The following EVC2 variants were observed in gnomAD, a reference collection of about 807,000 sequenced individuals.
EVC2 encodes the protein EvC ciliary complex subunit 2.
Under a neutral mutation model 149.3 loss-of-function variants are expected in EVC2, and 148 were observed. That is an observed-to-expected ratio of 0.99 (90% CI 0.87 to 1.14). EVC2 has a LOEUF of 1.14. EVC2 is among the 50% of genes most tolerant of loss of function. The pLI, the probability that EVC2 is intolerant of heterozygous loss-of-function variation, is 0.00. For synonymous variants in EVC2, 776 were observed against 649.9 expected, an observed-to-expected ratio of 1.19 and a Z score of -2.95; for missense variants, 1,854 against 1,627.3, an observed-to-expected ratio of 1.14 and a Z score of -2.40.
At chr4:5,652,265 CAGTGTGGA>C (rs1280293243) in intron 9 of EVC2, among the ~76,000 whole-genome samples, 1 of 152,148 alleles carries the variant, frequency 6.6e-6, no homozygotes, top group African/African-American at 2.4e-5. Flanking sequence ...ACGCAGGGAC[CAGTGTGGA>C]GGTGAGGAGA....
downstream of EVC2, among the ~76,000 whole-genome samples, chr4:5,558,158 C>G (rs1721872639): frequency 6.6e-6 from 1 of 152,162 alleles, no homozygotes; most frequent in African/African-American, 2.4e-5. Flanking sequence ...AATTTCAAGA[C>G]TTACTATATA....
intron 7 of EVC2, among the ~76,000 whole-genome samples, chr4:5,668,996 T>C (rs1560211167): frequency 6.6e-6 from 1 of 152,192 alleles, no homozygotes; most frequent in Non-Finnish European, 1.5e-5. Flanking sequence ...GGGAGATTTG[T>C]AGACACACAC....
rs543664932 is a variant in EVC2 at position 5,550,927 on chromosome 4, C to T, written c.3420-7715G>A. ...AGAGGATGCAAGCCCCAAGCCTTGG[C>T]AGCCACGTGGTGTTGAGCCTGTGAG... On this transcript the variant is annotated intron_variant and NMD_transcript_variant, in intron 21 of 22. Coordinates refer to the EVC2 transcript ENST00000475313. Among the ~76,000 whole-genome samples, 323 of 152,362 alleles carry T rather than the reference C, an allele frequency of 2.1e-3. 2 individuals carry two copies. The highest frequency in any genetic ancestry group is 3.1e-3 in the Non-Finnish European group (214 of 68,036).
chr4:5,534,376 T>C, the EVC2 span, among the ~76,000 whole-genome samples: 1 of 152,120 alleles, frequency 6.6e-6, no homozygotes, highest in Non-Finnish European at 1.5e-5. Context: ...GATGGGTGGA[T>C]AGATGGATGG....
At chr4:5,662,986 G>A in intron 9 of EVC2, 121 bp downstream of exon 9, 1 of 1,341,634 alleles carries the variant, frequency 7.5e-7, no homozygotes, top group Non-Finnish European at 1.0e-6. Flanking sequence ...GTTGAATTAT[G>A]ACTACAGAGT....
intron 19 of EVC2, among the ~76,000 whole-genome samples, chr4:5,571,978 G>C (rs1438061089): frequency 6.6e-6 from 1 of 152,164 alleles, no homozygotes; most frequent in Non-Finnish European, 1.5e-5. Flanking sequence ...ACTCCTTCCT[G>C]AGTCTCCAGC....
At position 5,648,286 on chromosome 4, in the gene EVC2, G is replaced by A. The variant is rs533035991; in HGVS notation, c.1146-7448C>T. Among the ~76,000 whole-genome samples, 7 of 152,214 alleles carry A rather than the reference G, an allele frequency of 4.6e-5. No individual in the cohort carries two copies. In the South Asian group the frequency reaches 1.0e-3, roughly 23 times the overall value. On this transcript the variant is annotated intron_variant, in intron 9 of 21. Coordinates refer to ENST00000344408, the MANE Select transcript of EVC2 (RefSeq NM_147127.5). Reference sequence around the variant, plus strand: ...ATTTTTACCTGGTCAGACCTGTATCGGAGTTTGACCTCCAGAACTCTAAGA... The same window carrying A: ...ATTTTTACCTGGTCAGACCTGTATCAGAGTTTGACCTCCAGAACTCTAAGA...
At chr4:5,691,786 A>G (rs1267476250) in intron 3 of EVC2, among the ~76,000 whole-genome samples, 1 of 152,194 alleles carries the variant, frequency 6.6e-6, no homozygotes, top group Non-Finnish European at 1.5e-5. Context: ...CCTCATCAAC[A>G]TAAGGAATCC....
At chr4:5,631,233 G>A (rs6822946) in intron 11 of EVC2, among the ~76,000 whole-genome samples, 12,587 of 152,174 alleles carry the variant, frequency 0.083, 1,648 homozygotes, top group African/African-American at 0.27. Flanking sequence ...ATGCATATAT[G>A]TATATTTTAT....
chr4:5,588,366 G>C (rs573397700), intron 16 of EVC2, among the ~76,000 whole-genome samples: 1 of 152,232 alleles, frequency 6.6e-6, no homozygotes, highest in African/African-American at 2.4e-5. Flanking sequence ...ATGCACCTTA[G>C]AAAAATTTTC....
At chr4:5,604,757 C>A (rs1257906595) in intron 16 of EVC2, among the ~76,000 whole-genome samples, 1 of 152,016 alleles carries the variant, frequency 6.6e-6, no homozygotes, top group African/African-American at 2.4e-5. Context: ...CCTAAATACC[C>A]TGACTTGACC....
At position 5,667,450 on chromosome 4, in the gene EVC2, A is replaced by C. The variant is rs188506732; in HGVS notation, c.871-1801T>G. ...CACCCAGACTGCTGAGGGTTTGTCA[A>C]CCCAAATCACAATTCAACTTCTTCC... On this transcript the variant is annotated intron_variant, in intron 7 of 21. Transcript: ENST00000344408. Among the ~76,000 whole-genome samples, 10 of 152,306 alleles carry C rather than the reference A, an allele frequency of 6.6e-5. No individual in the cohort carries two copies. In the East Asian group the frequency reaches 1.7e-3, roughly 26 times the overall value.
Position 5,562,567 on chromosome 4 carries a change from GT to G in EVC2, c.*280del, listed in dbSNP as rs1473272060. 1 of 1,339,072 alleles carries G rather than the reference GT, an allele frequency of 7.5e-7. No homozygotes were observed. The highest frequency in any genetic ancestry group is 1.5e-5 in the African/African-American group (1 of 67,832). 82.9% of individuals were successfully genotyped at this position (1,339,072 alleles called of 1,614,324 possible). On this transcript the variant is annotated 3_prime_UTR_variant, in exon 22 of 22. Coordinates refer to ENST00000344408, the MANE Select transcript of EVC2 (RefSeq NM_147127.5). The surrounding 1 kb of genome is among the most constrained non-coding windows in gnomAD (Gnocchi z 4.3). ...CATAGCTTCTGCAGCAGAGGATGGG[GT>G]GTGGATTGCAGGGTGGGGGTCTCCT...
At chr4:5,538,472 G>T (rs1392558326), downstream of EVC2, among the ~76,000 whole-genome samples, 3 of 152,044 alleles carry the variant, frequency 2.0e-5, no homozygotes, top group African/African-American at 7.2e-5. Flanking sequence ...CATTTTATGA[G>T]GCCAGCGATA....
Position 5,618,782 on chromosome 4 carries a change from T to C in EVC2, c.2502-100A>G. ...ATGCAAAGCTCATTCCTCATATCCA[T>C]GTCTGCAGAAAAAGCACTGGCTCCT... On this transcript the variant is annotated intron_variant, in intron 14 of 21. Transcript: ENST00000344408. The surrounding 1 kb of genome is among the most constrained non-coding windows in gnomAD (Gnocchi z 4.4). The C allele has an allele frequency of 2.6e-6, 3 of 1,164,722 alleles. No homozygotes were observed. Among genetic ancestry groups the C allele is most frequent in the South Asian group, 1.3e-5 (1 of 75,070 alleles). 72.1% of individuals were successfully genotyped at this position (1,164,722 alleles called of 1,614,324 possible).
At chr4:5,594,093 A>G (rs1437470813) in intron 16 of EVC2, among the ~76,000 whole-genome samples, 2 of 152,172 alleles carry the variant, frequency 1.3e-5, no homozygotes, top group East Asian at 3.9e-4. Context: ...GGAGCCCACC[A>G]CAGCTCAAGC....
At chr4:5,632,144 A>C (rs971694103) in intron 10 of EVC2, 112 bp from the exon 11 acceptor site, 26 of 1,396,444 alleles carry the variant, frequency 1.9e-5, no homozygotes, top group Middle Eastern at 5.0e-4. Flanking sequence ...GTACATGAAC[A>C]CACAGATGCA....
rs886059493 is a variant in EVC2, at chr4:5,694,486, C to A, written c.299G>T (p.Gly100Val). The change falls in exon 3 of 22, where the codon GGA (glycine) becomes GTA (valine). Residue 100 changes from glycine to valine, a missense_variant. Physicochemically the swap from Gly to Val is moderately radical, Grantham distance 109 (BLOSUM62 -3). Coordinates refer to ENST00000344408, the MANE Select transcript of EVC2 (RefSeq NM_147127.5). The stretch of plus-strand genomic sequence containing the variant: ...TTCCATTTTCTTGTCCAATTTCATT[C>A]CAAGTGGTGCTTCCACTGCAAAACA... ...HFKTAVEAPL[G>V]MKLDKKMEVF... 1 of 1,614,040 alleles carries A rather than the reference C, an allele frequency of 6.2e-7. No individual in the cohort carries two copies. The highest frequency in any genetic ancestry group is 8.5e-7 in the Non-Finnish European group (1 of 1,180,038).
chr4:5,689,374 AT>A (rs1372598376), intron 4 of EVC2, 31 bp from the exon 5 acceptor site: 1 of 1,612,632 alleles, frequency 6.2e-7, no homozygotes, highest in East Asian at 2.2e-5. Context: ...ATGAGGGCAG[AT>A]TTGCTGACAA....
Sources: allele counts gnomAD v4.1 joint callset (sites outside exome capture counted in the v4.1 genomes callset), GRCh38; gene constraint gnomAD v4.1.1; non-coding constraint Gnocchi (gnomAD v3.1); transcripts MANE v1.5; gene names NCBI Gene and HGNC (gene_info 2026-07-23, HGNC 2026-07-21).